KANK1: variants seen among roughly 807,000 people sequenced by gnomAD.
KANK1 encodes the protein KN motif and ankyrin repeat domains 1.
A neutral mutation model predicts 106.2 loss-of-function variants in KANK1; 109 were observed. The observed-to-expected ratio is 1.03, with a 90% CI of 0.88 to 1.20. The LOEUF (loss-of-function observed/expected upper bound fraction) is 1.20, where lower values mean the gene tolerates loss of function less well. Among genes scored for constraint, KANK1 ranks in the 50% most tolerant of loss-of-function variants. KANK1 has a pLI of 0.00. For missense variants in KANK1, 2,399 were observed against 1,710.7 expected (o/e 1.40, Z -7.10); for synonymous variants, 873 against 652.2 (o/e 1.34, Z -5.16).
intron 1 of KANK1, among the ~76,000 whole-genome samples, chr9:662,262 T>G (rs1456161446): frequency 1.3e-5 from 2 of 152,310 alleles, no homozygotes; most frequent in East Asian, 3.9e-4. Context: ...CAAGGTAATT[T>G]ATAGGTTCAG....
At chr9:698,063 G>GT (rs1821751140) in intron 2 of KANK1, among the ~76,000 whole-genome samples, 1 of 152,152 alleles carries the variant, frequency 6.6e-6, no homozygotes, top group Admixed American at 6.5e-5. Flanking sequence ...AGAGTATATT[G>GT]TTTAAGTTCC....
At chr9:612,000 G>C (rs1490794588) in intron 1 of KANK1, among the ~76,000 whole-genome samples, 1 of 152,170 alleles carries the variant, frequency 6.6e-6, no homozygotes, top group Non-Finnish European at 1.5e-5. Flanking sequence ...TTACAGGCGT[G>C]AGCCACCGCG....
At chr9:654,799 T>G in intron 1 of KANK1, among the ~76,000 whole-genome samples, 1 of 134,236 alleles carries the variant, frequency 7.4e-6, no homozygotes, top group South Asian at 2.4e-4. Context: ...CAATATGCAT[T>G]TGTGTGTGTG....
intron 1 of KANK1, among the ~76,000 whole-genome samples, chr9:652,333 C>T (rs1588592009): frequency 1.3e-5 from 2 of 152,090 alleles, no homozygotes; most frequent in South Asian, 4.2e-4. Context: ...CCAGCCTGGC[C>T]AACATGGTGA....
chr9:587,250 G>A (rs1421526364), intron 1 of KANK1, among the ~76,000 whole-genome samples: 1 of 151,596 alleles, frequency 6.6e-6, no homozygotes, highest in Non-Finnish European at 1.5e-5. Flanking sequence ...ATGCTCCAAT[G>A]ATCTGTTCAG....
chr9:470,586 T>C (rs1339950223), exon 2 of KANK1: 2 of 152,362 alleles, frequency 1.3e-5, no homozygotes, highest in East Asian at 1.9e-4. Flanking sequence ...GAGGGAGTTC[T>C]AGCGAAGACT....
At chr9:660,784 A>G (rs988356545) in intron 1 of KANK1, among the ~76,000 whole-genome samples, 3 of 152,166 alleles carry the variant, frequency 2.0e-5, no homozygotes, top group Non-Finnish European at 4.4e-5. Flanking sequence ...TGGTGGTCAA[A>G]GAAAGATCCC....
intron 1 of KANK1, among the ~76,000 whole-genome samples, chr9:650,975 A>G (rs1320612353): frequency 2.6e-5 from 4 of 152,248 alleles, no homozygotes; most frequent in South Asian, 2.1e-4. Context: ...AAAAGATGTT[A>G]TGTGCCTTCT....
At chr9:668,982 C>T (rs1422079748) in intron 1 of KANK1, among the ~76,000 whole-genome samples, 1 of 152,058 alleles carries the variant, frequency 6.6e-6, no homozygotes, top group Non-Finnish European at 1.5e-5. Context: ...TGACCTGGTT[C>T]CTAACATGCG....
chr9:547,953 TG>T (rs2061035404), intron 1 of KANK1, among the ~76,000 whole-genome samples: 1 of 152,222 alleles, frequency 6.6e-6, no homozygotes. Context: ...CTTTTTTTTA[TG>T]TTTTTTTTCT....
chr9:687,592 G>T (rs2361111), intron 2 of KANK1, among the ~76,000 whole-genome samples: 94,047 of 151,652 alleles, frequency 0.62, 30,703 homozygotes, highest in East Asian at 0.89. Context: ...CAGTGCTGTT[G>T]CCCAGCCCCA....
chr9:641,156 G>A (rs1838346348), intron 1 of KANK1, among the ~76,000 whole-genome samples: 1 of 152,200 alleles, frequency 6.6e-6, no homozygotes, highest in Admixed American at 6.5e-5. Flanking sequence ...GTAGTCCAGT[G>A]TGGGAAGAAG....
At chr9:647,936 T>A (rs1840048662) in intron 1 of KANK1, among the ~76,000 whole-genome samples, 3 of 149,942 alleles carry the variant, frequency 2.0e-5, no homozygotes, top group African/African-American at 7.6e-5. Flanking sequence ...CCCTCTGCTC[T>A]CATGTGCACC....
At chr9:735,284 C>G (rs139444661) in intron 7 of KANK1, among the ~76,000 whole-genome samples, 1 of 152,218 alleles carries the variant, frequency 6.6e-6, no homozygotes, top group Non-Finnish European at 1.5e-5. Flanking sequence ...GTATGTTATG[C>G]TCTGATGTGG....
At chr9:600,328 T>G (rs1827422752) in intron 1 of KANK1, among the ~76,000 whole-genome samples, 1 of 151,820 alleles carries the variant, frequency 6.6e-6, no homozygotes, top group Non-Finnish European at 1.5e-5. Context: ...CAGTGTAATG[T>G]CCTCAAGGGT....
intron 1 of KANK1, among the ~76,000 whole-genome samples, chr9:641,578 A>T (rs758929771): frequency 6.6e-6 from 1 of 152,136 alleles, no homozygotes; most frequent in African/African-American, 2.4e-5. Context: ...TACTGAAGAA[A>T]CTCGGAACAG....
intron 2 of KANK1, among the ~76,000 whole-genome samples, chr9:472,028 A>G (rs570432976): frequency 1.2e-4 from 18 of 152,340 alleles, no homozygotes; most frequent in Admixed American, 2.0e-4. Context: ...CTGACAAAAA[A>G]GAGCCCTGCT....
chr9:693,809 GA>G, intron 2 of KANK1: 3 of 985,324 alleles, frequency 3.0e-6, no homozygotes, highest in Non-Finnish European at 3.6e-6. Context: ...GCCCACAAAA[GA>G]AAGAGAGGAG....
intron 1 of KANK1, among the ~76,000 whole-genome samples, chr9:592,351 G>A (rs1206937955): frequency 6.6e-6 from 1 of 151,788 alleles, no homozygotes; most frequent in Non-Finnish European, 1.5e-5. Flanking sequence ...GGGGGAGGGG[G>A]AACCATGTTA....
Sources: allele counts gnomAD v4.1 joint callset (sites outside exome capture counted in the v4.1 genomes callset), GRCh38; gene constraint gnomAD v4.1.1; transcripts MANE v1.5; gene names NCBI Gene and HGNC (gene_info 2026-07-23, HGNC 2026-07-21).